C3: variants seen among roughly 807,000 people sequenced by gnomAD.
The protein encoded by C3 is complement C3, also known as C3 and PZP-like alpha-2-macroglobulin domain-containing protein 1.
In C3, 97 loss-of-function variants were observed where a neutral mutation model predicts 207.9. The observed-to-expected ratio is 0.47, with a 90% CI of 0.40 to 0.55. The LOEUF is 0.55. C3 is among the 20% of genes least tolerant of loss of function. The probability of loss-of-function intolerance (pLI) is 0.00; values close to 1 mark genes in which losing one functional copy is unlikely to be tolerated. For synonymous variants in C3, 848 were observed against 857.6 expected, an observed-to-expected ratio of 0.99 and a Z score of 0.20; for missense variants, 1,684 against 2,171.7, an observed-to-expected ratio of 0.78 and a Z score of 4.46.
At chr19:6,705,285 GATC>G (rs1325008142) in intron 17 of C3, among the ~76,000 whole-genome samples, 2 of 151,854 alleles carry the variant, frequency 1.3e-5, no homozygotes, top group Non-Finnish European at 2.9e-5. Flanking sequence ...TTGTGAAGGA[GATC>G]ATTCTAAATT....
rs957707265 is a variant in C3 at position 6,696,973 on chromosome 19, C to T, written c.2797-314G>A. Among the ~76,000 whole-genome samples the T allele has an allele frequency of 6.1e-4, 92 of 149,952 alleles. 1 individual carries two copies. Among genetic ancestry groups the T allele is most frequent in the Middle Eastern group, 6.9e-3 (2 of 290 alleles). On this transcript the variant is annotated intron_variant, in intron 21 of 40. Transcript: ENST00000245907. ...AGGAGGATGGCGTGAACCCGGGAGG[C>T]GGATATTGCAGTGAGCTGAGATCGC... is the stretch of plus-strand genomic sequence containing the variant.
intron 19 of C3, 49 bp downstream of exon 19, chr19:6,702,078 A>T: frequency 1.0e-6 from 1 of 963,838 alleles, no homozygotes; most frequent in Non-Finnish European, 1.7e-6. Context: ...TGACACTCAG[A>T]CACCCTGGGG....
intron 38 of C3, 45 bp downstream of exon 38, chr19:6,679,080 C>T (rs758120022): frequency 6.9e-7 from 1 of 1,451,658 alleles, no homozygotes; most frequent in East Asian, 2.3e-5. Context: ...CACAATTGGA[C>T]ACACACAGCT....
At chr19:6,688,834 C>A (rs1226994598) in intron 27 of C3, among the ~76,000 whole-genome samples, 1 of 151,976 alleles carries the variant, frequency 6.6e-6, no homozygotes, top group Non-Finnish European at 1.5e-5. Flanking sequence ...ACAGTGGAAA[C>A]AGCCATGTCT....
rs780527356 is a variant in C3, at chr19:6,678,042, G to C, written c.4851-19C>G. 1.9e-6 allele frequency: 3 copies of C among 1,614,070 alleles called. No individual in the cohort carries two copies. The highest frequency in any genetic ancestry group is 1.6e-4 in the Middle Eastern group (1 of 6,082). Reference sequence around the variant, plus strand: ...GCTGAGGCTGGAGGGAAGAATGGCAGGTCAGGAAGGGGCGTGGTGTGGGCG... The same window carrying C: ...GCTGAGGCTGGAGGGAAGAATGGCACGTCAGGAAGGGGCGTGGTGTGGGCG... On this transcript the variant is annotated intron_variant, in intron 40 of 40. Coordinates refer to ENST00000245907, the MANE Select transcript of C3 (RefSeq NM_000064.4).
rs757135089 is a variant in C3 at position 6,711,225 on chromosome 19, G to C, written c.1270-29C>G. 6 of 1,590,178 alleles carry C rather than the reference G, an allele frequency of 3.8e-6. No individual in the cohort carries two copies. The South Asian group carries it at 6.6e-5, about 18-fold the overall frequency. ...GGTGGGGAAAGAGGGATGCCTGCTG[G>C]TCGCCGCCCGAGGATACCCACACCC... On this transcript the variant is annotated intron_variant, in intron 11 of 40. Transcript: ENST00000245907.
intron 19 of C3, among the ~76,000 whole-genome samples, chr19:6,701,019 A>G (rs1385584872): frequency 1.3e-5 from 2 of 151,938 alleles, no homozygotes; most frequent in Non-Finnish European, 2.9e-5. Context: ...GATAGGCGGA[A>G]ATGAGCAGGC....
intron 23 of C3, among the ~76,000 whole-genome samples, 159 bp downstream of exon 23, chr19:6,696,220 A>AG (rs1407690245): frequency 1.3e-5 from 2 of 151,916 alleles, no homozygotes; most frequent in Non-Finnish European, 2.9e-5. Context: ...AAAAAAAAAA[A>AG]AAAAAAAAAA....
intron 30 of C3, 58 bp downstream of exon 30, chr19:6,684,930 C>A: frequency 6.2e-7 from 1 of 1,610,976 alleles, no homozygotes; most frequent in Non-Finnish European, 8.5e-7. Context: ...CCCAGTAAAC[C>A]CTGGCTAGTG....
intron 4 of C3, 115 bp from the exon 5 acceptor site, chr19:6,714,561 T>C: frequency 1.3e-6 from 1 of 797,492 alleles, no homozygotes; most frequent in Non-Finnish European, 2.2e-6. Context: ...GTGTCTACTG[T>C]GGTTAAGAAC....
At chr19:6,694,408 T>C in intron 24 of C3, 23 bp downstream of exon 24, 4 of 1,610,464 alleles carry the variant, frequency 2.5e-6, no homozygotes, top group Non-Finnish European at 3.4e-6. Context: ...CCCTGGGGTC[T>C]CCAAGAGGGG....
intron 17 of C3, among the ~76,000 whole-genome samples, chr19:6,703,433 C>T (rs920141518): frequency 6.6e-5 from 10 of 152,156 alleles, no homozygotes; most frequent in African/African-American, 2.2e-4. Flanking sequence ...GTGGCAAAAC[C>T]GCGCCTCTAC....
intron 17 of C3, among the ~76,000 whole-genome samples, chr19:6,705,618 A>C (rs1176398311): frequency 6.6e-6 from 1 of 151,916 alleles, no homozygotes; most frequent in Non-Finnish European, 1.5e-5. Context: ...AAGTGTGGGC[A>C]TTACAGGTGT....
intron 26 of C3, among the ~76,000 whole-genome samples, chr19:6,691,824 A>G (rs1852484147): frequency 6.6e-6 from 1 of 152,122 alleles, no homozygotes; most frequent in South Asian, 2.1e-4. Flanking sequence ...GTCTCTACTA[A>G]AAATACAAAA....
intron 14 of C3, among the ~76,000 whole-genome samples, chr19:6,708,721 CT>C (rs1272771074): frequency 2.2e-5 from 3 of 136,140 alleles, no homozygotes; most frequent in African/African-American, 8.3e-5. Flanking sequence ...GGATTTTCCA[CT>C]GTCTCCCAGG....
rs768360920 is a variant in C3 at position 6,710,834 on chromosome 19, C to T, written c.1491G>A (p.Lys497=). Residue 497 remains lysine, a synonymous_variant, in exon 13 of 41, where the codon AAG becomes AAA. Transcript: ENST00000245907. ...IRYYTYLIMN[K]GRLLKAGRQV... Reference sequence around the variant, plus strand: ...GGCGTCCCGCCTTCAACAGCCTGCCCTTGTTCATGATCTGGGGGGACAGGC... The same window carrying T: ...GGCGTCCCGCCTTCAACAGCCTGCCTTTGTTCATGATCTGGGGGGACAGGC... The T allele has an allele frequency of 1.3e-5, 21 of 1,613,684 alleles. No individual in the cohort carries two copies. In the East Asian group the frequency reaches 2.0e-4, roughly 15 times the overall value.
intron 35 of C3, among the ~76,000 whole-genome samples, chr19:6,681,406 T>G (rs1181244767): frequency 3.5e-5 from 5 of 142,440 alleles, no homozygotes; most frequent in South Asian, 2.2e-4. Flanking sequence ...ATTAGCTGGG[T>G]GCAGTGTCGC....
At chr19:6,702,314 C>T (rs564845179) in intron 18 of C3, 102 bp from the exon 19 acceptor site, 3 of 954,712 alleles carry the variant, frequency 3.1e-6, no homozygotes, top group East Asian at 4.8e-5. Flanking sequence ...CTGGAAGGGT[C>T]TGGGGGTGCC....
intron 15 of C3, 34 bp downstream of exon 15, chr19:6,707,766 C>CT: frequency 5.0e-6 from 8 of 1,611,360 alleles, no homozygotes; most frequent in Non-Finnish European, 6.8e-6. Flanking sequence ...GAGGTGCTGT[C>CT]TGTCCCTGCA....
Sources: gnomAD v4.1 joint callset for allele counts (sites outside exome capture counted in the v4.1 genomes callset) on GRCh38, gnomAD v4.1.1 for gene constraint, MANE v1.5 for transcripts, NCBI Gene and HGNC (gene_info 2026-07-23, HGNC 2026-07-21) for gene names.